The following NEMF variants were observed in gnomAD, a reference collection of about 807,000 sequenced individuals.
NEMF encodes nuclear export mediator factor, also known as ribosome quality control complex subunit NEMF.
Under a neutral mutation model 162.2 loss-of-function variants are expected in NEMF, and 89 were observed. The observed-to-expected ratio is 0.55, with a 90% confidence interval of 0.46 to 0.65. The LOEUF (loss-of-function observed/expected upper bound fraction) is 0.65, where lower values mean the gene tolerates loss of function less well. Among genes scored for constraint, NEMF ranks in the 30% least tolerant of loss-of-function variants. The pLI is 0.00. For synonymous variants in NEMF, 421 were observed against 404.5 expected (o/e 1.04, Z -0.49); for missense variants, 1,133 against 1,261.9 (o/e 0.90, Z 1.55).
intron 11 of NEMF, among the ~76,000 whole-genome samples, chr14:49,830,633 C>T (rs1389025829): frequency 3.3e-5 from 5 of 152,252 alleles, no homozygotes; most frequent in Non-Finnish European, 7.3e-5. Context: ...GATCTGCCCG[C>T]CTCGGCCTCC....
At chr14:49,840,936 C>A in intron 4 of NEMF, 70 bp from the exon 5 acceptor site, 1 of 1,387,956 alleles carries the variant, frequency 7.2e-7, no homozygotes, top group Non-Finnish European at 9.9e-7. Flanking sequence ...GTGGCTCACA[C>A]CTGTAACCCC....
At chr14:49,813,302 T>C (rs931370914) in intron 18 of NEMF, among the ~76,000 whole-genome samples, 4 of 152,206 alleles carry the variant, frequency 2.6e-5, no homozygotes, top group Non-Finnish European at 4.4e-5. Context: ...AACTGGTAAG[T>C]ATAATGCAAA....
At chr14:49,851,767 T>G (rs764573681) in intron 2 of NEMF, 40 bp downstream of exon 2, 33 of 1,464,642 alleles carry the variant, frequency 2.3e-5, no homozygotes, top group Non-Finnish European at 2.9e-5. Flanking sequence ...ATCTCATACT[T>G]AATTGTCAAA....
Position 49,783,789 on chromosome 14 carries a change from A to G in NEMF, c.*847T>C, listed in dbSNP as rs886072796. The stretch of plus-strand genomic sequence containing the variant: ...TTAAGATCAAACCTGAAGGTCTACA[A>G]ATGAATAGAAATGATTAAGCTGAGT... On this transcript the variant is annotated 3_prime_UTR_variant, in exon 33 of 33. Transcript: ENST00000298310. 2 of 152,186 alleles carry G rather than the reference A, an allele frequency of 1.3e-5. No homozygotes were observed. The highest frequency in any genetic ancestry group is 2.9e-5 in the Non-Finnish European group (2 of 68,006). The allele number at this position is 152,186 out of a possible 1,614,324, so 9.4% of individuals were successfully genotyped here.
In NEMF at chr14:49,851,896, T is replaced by C. The variant is rs769047752; in HGVS notation, c.60-21A>G. On this transcript the variant is annotated intron_variant, in intron 1 of 32. Coordinates refer to ENST00000298310, the MANE Select transcript of NEMF (RefSeq NM_004713.6). ...GCAAGCTGCAAAGATAAAGGAAACA[T>C]GTAACATGTTACACTATTGTCTGAA... is the stretch of plus-strand genomic sequence containing the variant. The C allele has an allele frequency of 2.0e-5, 29 of 1,430,700 alleles. No individual in the cohort carries two copies. In the Admixed American group the frequency reaches 5.9e-4, roughly 29 times the overall value. 88.6% of individuals were successfully genotyped at this position (1,430,700 alleles called of 1,614,324 possible).
intron 16 of NEMF, among the ~76,000 whole-genome samples, chr14:49,816,986 G>A (rs1303126618): frequency 6.6e-6 from 1 of 152,154 alleles, no homozygotes; most frequent in East Asian, 1.9e-4. Context: ...AAAGCAAACA[G>A]TAAGATGGGT....
chr14:49,852,424 A>G (rs576663713), intron 1 of NEMF, among the ~76,000 whole-genome samples: 2 of 152,352 alleles, frequency 1.3e-5, no homozygotes, highest in East Asian at 3.9e-4. Context: ...AACCCGGACA[A>G]CCCAGGCCAA....
chr14:49,823,780 C>G (rs1025544844), intron 16 of NEMF, among the ~76,000 whole-genome samples: 1 of 152,142 alleles, frequency 6.6e-6, no homozygotes, highest in African/African-American at 2.4e-5. Flanking sequence ...TCACCACCAA[C>G]CCCAATTGTA....
chr14:49,842,800 A>T (rs1893280603), intron 4 of NEMF, among the ~76,000 whole-genome samples: 1 of 152,082 alleles, frequency 6.6e-6, no homozygotes, highest in Non-Finnish European at 1.5e-5. Flanking sequence ...TGAGGTCAGG[A>T]GTTCAAGACC....
chr14:49,817,197 C>T (rs1199103892), intron 16 of NEMF, among the ~76,000 whole-genome samples: 3 of 152,166 alleles, frequency 2.0e-5, no homozygotes, highest in Non-Finnish European at 2.9e-5. Context: ...AATCCCAGCA[C>T]TTTGGGAGGC....
At chr14:49,831,835 G>C (rs1343418986) in intron 10 of NEMF, among the ~76,000 whole-genome samples, 4 of 152,206 alleles carry the variant, frequency 2.6e-5, no homozygotes, top group Non-Finnish European at 4.4e-5. Context: ...ACAGTATCAA[G>C]AATCAAATGA....
chr14:49,796,022 G>C (rs1431026601), intron 25 of NEMF, 78 bp from the exon 26 acceptor site: 1 of 1,050,050 alleles, frequency 9.5e-7, no homozygotes, highest in Non-Finnish European at 1.4e-6. Flanking sequence ...CCATGGGGAA[G>C]GCACATATAC....
At chr14:49,789,417 A>C in intron 27 of NEMF, 74 bp from the exon 28 acceptor site, 1 of 1,611,676 alleles carries the variant, frequency 6.2e-7, no homozygotes, top group Non-Finnish European at 8.5e-7. Flanking sequence ...GAATGTATTG[A>C]ATGCCTGTCA....
intron 3 of NEMF, chr14:49,849,606 A>G (rs1266281309): frequency 6.6e-6 from 1 of 152,202 alleles, no homozygotes; most frequent in Admixed American, 6.5e-5. Flanking sequence ...ATAGAATTCT[A>G]AGTATTTTTT....
In NEMF at chr14:49,827,728, G is replaced by A. The variant is rs149580691; in HGVS notation, c.1488+563C>T. On this transcript the variant is annotated intron_variant, in intron 15 of 32. Coordinates refer to ENST00000298310, the MANE Select transcript of NEMF (RefSeq NM_004713.6). The stretch of plus-strand genomic sequence containing the variant: ...CTTAGGAGGCTGAGGTGGGAGAATC[G>A]CTTGAACCTGGGAGGCAGAAGTTGC... 7.0e-3 allele frequency among the ~76,000 whole-genome samples: 1,066 copies of A among 151,992 alleles called. 9 individuals carry two copies. Among genetic ancestry groups the A allele is most frequent in the Middle Eastern group, 0.027 (8 of 292 alleles).
intron 21 of NEMF, 42 bp downstream of exon 21, chr14:49,802,627 T>C: frequency 6.2e-7 from 1 of 1,609,854 alleles, no homozygotes; most frequent in Non-Finnish European, 8.5e-7. Flanking sequence ...CTAATGAAAA[T>C]CAGGAAAAAA....
intron 18 of NEMF, among the ~76,000 whole-genome samples, chr14:49,809,573 T>C (rs1277123571): frequency 6.6e-6 from 1 of 151,996 alleles, no homozygotes; most frequent in Non-Finnish European, 1.5e-5. Flanking sequence ...ACATCAAGAG[T>C]GAACCCTGGC....
chr14:49,841,477 G>A (rs1893204872), intron 4 of NEMF, among the ~76,000 whole-genome samples: 1 of 149,916 alleles, frequency 6.7e-6, no homozygotes, highest in Admixed American at 6.7e-5. Flanking sequence ...GGGAGACTGA[G>A]GCAGGAGAAT....
At chr14:49,806,364 C>T (rs1891218918) in intron 18 of NEMF, among the ~76,000 whole-genome samples, 1 of 146,090 alleles carries the variant, frequency 6.8e-6, no homozygotes, top group Admixed American at 6.9e-5. Flanking sequence ...CGGGTTCAAG[C>T]AATTCTCTGC....
Sources: gnomAD v4.1 joint callset for allele counts (sites outside exome capture counted in the v4.1 genomes callset) on GRCh38, gnomAD v4.1.1 for gene constraint, MANE v1.5 for transcripts, NCBI Gene and HGNC (gene_info 2026-07-23, HGNC 2026-07-21) for gene names.